GLCE: variants seen among roughly 807,000 people sequenced by gnomAD.
The protein encoded by GLCE is glucuronic acid epimerase, also known as D-glucuronyl C5-epimerase.
A neutral mutation model predicts 47.9 loss-of-function variants in GLCE; 19 were observed. That is an observed-to-expected ratio of 0.40 (90% CI 0.28 to 0.58). The LOEUF (loss-of-function observed/expected upper bound fraction) is 0.58. Ranked by LOEUF, GLCE falls within the 20% of genes least tolerant of loss-of-function variation. The pLI is 0.48. For synonymous variants in GLCE, 245 were observed against 263.4 expected, an observed-to-expected ratio of 0.93 and a Z score of 0.68; for missense variants, 556 against 743.3, an observed-to-expected ratio of 0.75 and a Z score of 2.93.
chr15:69,161,128 C>T (rs2051412494), intron 1 of GLCE, among the ~76,000 whole-genome samples: 1 of 151,912 alleles, frequency 6.6e-6, no homozygotes, highest in Non-Finnish European at 1.5e-5. Context: ...AGCGGGGTTC[C>T]GGGACAAGGG....
In GLCE at chr15:69,270,788, G is replaced by C. The variant is rs369816381; in HGVS notation, c.*1544G>C. On this transcript the variant is annotated 3_prime_UTR_variant, in exon 5 of 5. Coordinates refer to ENST00000261858, the MANE Select transcript of GLCE (RefSeq NM_015554.3). ...ATACAGATCTGCACTGAAGACATTA[G>C]ACTGGCCATAGAAAAGTAAGCTTGA... is the stretch of plus-strand genomic sequence containing the variant. 6.1e-4 allele frequency: 93 copies of C among 152,314 alleles called. No homozygotes were observed. Among genetic ancestry groups the C allele is most frequent in the African/African-American group, 2.1e-3 (89 of 41,566 alleles). The allele number at this position is 152,314 out of a possible 1,614,324, so 9.4% of individuals were successfully genotyped here.
chr15:69,186,479 C>G (rs1232629204), intron 1 of GLCE, among the ~76,000 whole-genome samples: 2 of 152,114 alleles, frequency 1.3e-5, no homozygotes, highest in African/African-American at 4.8e-5. Context: ...TATAGAGTAG[C>G]AAACAATTTT....
intron 1 of GLCE, among the ~76,000 whole-genome samples, chr15:69,176,932 T>TA (rs2051674590): frequency 6.6e-6 from 1 of 152,202 alleles, no homozygotes; most frequent in Non-Finnish European, 1.5e-5. Context: ...TCTTGAGACT[T>TA]AGAGTAGAAT....
At chr15:69,231,286 A>AT (rs67017442) in intron 2 of GLCE, among the ~76,000 whole-genome samples, 28,470 of 139,564 alleles carry the variant, frequency 0.2, 3,168 homozygotes, top group East Asian at 0.42. Context: ...TTGTCCAGTC[A>AT]TTTTTTTTTT....
At position 69,268,250 on chromosome 15, in the gene GLCE, G is replaced by C. The variant is rs140036300; in HGVS notation, c.860G>C (p.Gly287Ala). The C allele has an allele frequency of 5.2e-5, 84 of 1,609,892 alleles. No individual in the cohort carries two copies. The highest frequency in any genetic ancestry group is 7.1e-5 in the Non-Finnish European group (84 of 1,178,226). Reference protein sequence around the residue: ...ETSEGVSLQLGNTKDFIISFD... With the variant: ...ETSEGVSLQLANTKDFIISFD... Reference sequence around the variant, plus strand: ...AGTGAAGGTGTATCCTTGCAACTGGGAAACACAAAAGATTTTATTATTTCA... The same window carrying C: ...AGTGAAGGTGTATCCTTGCAACTGGCAAACACAAAAGATTTTATTATTTCA... Residue 287 changes from glycine (G) to alanine (A), a missense_variant, in exon 5 of 5, where the codon GGA becomes GCA. Around this residue, in one of 3 missense-constraint regions of GLCE, gnomAD observed 74 missense variants for 64.4 expected, o/e 1.15. Transcript: ENST00000261858.
intron 1 of GLCE, among the ~76,000 whole-genome samples, chr15:69,174,592 A>G (rs1398464131): frequency 6.6e-6 from 1 of 152,166 alleles, no homozygotes; most frequent in Non-Finnish European, 1.5e-5. Context: ...CCTGGGCGAC[A>G]AGAGTGAAAC....
chr15:69,213,545 G>A (rs1250167336), intron 2 of GLCE, among the ~76,000 whole-genome samples: 1 of 152,106 alleles, frequency 6.6e-6, no homozygotes. Flanking sequence ...CAGAAGCCAC[G>A]TGGTGTCAGA....
chr15:69,178,495 G>A (rs1022567226), intron 1 of GLCE, among the ~76,000 whole-genome samples: 9 of 152,034 alleles, frequency 5.9e-5, no homozygotes, highest in Admixed American at 4.6e-4. Context: ...TCTACCTCAA[G>A]GGACTGTTAT....
intron 4 of GLCE, among the ~76,000 whole-genome samples, chr15:69,264,887 A>AT (rs202057471): frequency 0.014 from 2,042 of 151,110 alleles, 18 homozygotes; most frequent in Non-Finnish European, 0.022. Context: ...TTTTAATCAG[A>AT]TTTTTTTTTG....
chr15:69,198,675 T>C (rs1455019000), intron 1 of GLCE, among the ~76,000 whole-genome samples: 1 of 152,142 alleles, frequency 6.6e-6, no homozygotes, highest in Non-Finnish European at 1.5e-5. Flanking sequence ...TCACAATTTT[T>C]ATAACCTAAT....
chr15:69,170,811 A>G (rs1009245557), intron 1 of GLCE, among the ~76,000 whole-genome samples: 3 of 152,204 alleles, frequency 2.0e-5, no homozygotes, highest in Admixed American at 6.5e-5. Context: ...TTATTATTGA[A>G]TCAGTTCTTT....
intron 1 of GLCE, among the ~76,000 whole-genome samples, chr15:69,206,258 A>C (rs1453117017): frequency 6.6e-6 from 1 of 152,082 alleles, no homozygotes; most frequent in African/African-American, 2.4e-5. Flanking sequence ...TTTTAGGAAG[A>C]ATACACAGAG....
chr15:69,224,647 C>T (rs1345651270), intron 2 of GLCE, among the ~76,000 whole-genome samples: 1 of 152,142 alleles, frequency 6.6e-6, no homozygotes, highest in Non-Finnish European at 1.5e-5. Context: ...TCCTTTTTGC[C>T]TACGTGGGCT....
chr15:69,257,943 C>G (rs1450533815), intron 3 of GLCE, among the ~76,000 whole-genome samples: 1 of 151,464 alleles, frequency 6.6e-6, no homozygotes, highest in African/African-American at 2.4e-5. Flanking sequence ...AATATTTTGA[C>G]TTTTTTTCCC....
In GLCE at chr15:69,231,781, T is replaced by C. The variant is rs143953474; in HGVS notation, c.-14+21375T>C. Among the ~76,000 whole-genome samples, 376 of 152,228 alleles carry C rather than the reference T, an allele frequency of 2.5e-3. 6 individuals are homozygous for C. Among genetic ancestry groups the C allele is most frequent in the African/African-American group, 8.8e-3 (366 of 41,562 alleles). On this transcript the variant is annotated intron_variant, in intron 2 of 4. Coordinates refer to ENST00000261858, the MANE Select transcript of GLCE (RefSeq NM_015554.3). ...TACATGTGATTCAGATATCTATCTA[T>C]CTTTTTTGTTTTGTTTTGTTTTTTC...
chr15:69,217,964 G>A (rs8033515), intron 2 of GLCE, among the ~76,000 whole-genome samples: 150,939 of 151,666 alleles, frequency 1, 75,114 homozygotes, highest in East Asian at 1. Flanking sequence ...GACCAACCTG[G>A]CCAACATGGT....
chr15:69,174,438 C>T (rs1175012473), intron 1 of GLCE, among the ~76,000 whole-genome samples: 6 of 152,076 alleles, frequency 3.9e-5, no homozygotes, highest in East Asian at 1.9e-4. Flanking sequence ...GGTGAAACCC[C>T]GTCACTACTA....
rs190725973 is a variant in GLCE at position 69,263,933 on chromosome 15, T to C, written c.829+2604T>C. Among the ~76,000 whole-genome samples, 399 of 152,318 alleles carry C rather than the reference T, an allele frequency of 2.6e-3. 2 individuals are homozygous for C. Among genetic ancestry groups the C allele is most frequent in the African/African-American group, 9.2e-3 (384 of 41,562 alleles). On this transcript the variant is annotated intron_variant, in intron 4 of 4. Coordinates refer to ENST00000261858, the MANE Select transcript of GLCE (RefSeq NM_015554.3). The stretch of plus-strand genomic sequence containing the variant: ...ACAATGTGATGCTTTGATATACATA[T>C]ATGTTGTGAAATGACTGCCATAATT...
rs201600362 is a variant in GLCE, at chr15:69,268,421, G to T, written c.1031G>T (p.Arg344Ile). ...GATATATACTATGGCATTGGGCCCA[G>T]AACTTCATGGAGCACAGTTACCAGG... ...ERDIYYGIGP[R>I]TSWSTVTRDL... The change falls in exon 5 of 5, where the codon AGA (arginine) becomes ATA (isoleucine). Residue 344 changes from arginine (R) to isoleucine (I), a missense_variant. Physicochemically the swap from Arg to Ile is moderately conservative, Grantham distance 97. Coordinates refer to ENST00000261858, the MANE Select transcript of GLCE (RefSeq NM_015554.3). 6.3e-5 allele frequency: 101 copies of T among 1,613,932 alleles called. No homozygotes were observed. The highest frequency in any genetic ancestry group is 8.3e-5 in the Non-Finnish European group (98 of 1,179,916).
Sources: gnomAD v4.1 joint callset for allele counts (sites outside exome capture counted in the v4.1 genomes callset) on GRCh38, gnomAD v4.1.1 for gene constraint, gnomAD v4.1.1 regional missense constraint, MANE v1.5 for transcripts, NCBI Gene and HGNC (gene_info 2026-07-23, HGNC 2026-07-21) for gene names.